The following PPP2R5E variants were observed in gnomAD, a reference collection of about 807,000 sequenced individuals.
The protein encoded by PPP2R5E is serine/threonine-protein phosphatase 2A 56 kDa regulatory subunit epsilon isoform.
PPP2R5E carries 4 observed loss-of-function variants against 65.3 expected under a neutral mutation model. The observed-to-expected ratio is 0.06, with a 90% CI of 0.03 to 0.14. The LOEUF (loss-of-function observed/expected upper bound fraction) is 0.14. Ranked by LOEUF, PPP2R5E falls within the 10% of genes least tolerant of loss-of-function variation. The pLI is 1.00. For synonymous variants in PPP2R5E, 183 were observed against 187.4 expected (o/e 0.98, Z 0.19); for missense variants, 274 against 556.1 (o/e 0.49, Z 5.10).
chr14:63,450,935 G>A (rs1462563265), intron 3 of PPP2R5E, among the ~76,000 whole-genome samples: 1 of 152,134 alleles, frequency 6.6e-6, no homozygotes, highest in Non-Finnish European at 1.5e-5. Context: ...AACTAGAGGT[G>A]AGGGAGTGGG....
chr14:63,392,154 A>G, intron 8 of PPP2R5E, 129 bp from the exon 9 acceptor site: 1 of 609,336 alleles, frequency 1.6e-6, no homozygotes, highest in Non-Finnish European at 2.7e-6. Flanking sequence ...ATTCATTTTA[A>G]TTATCATAAA....
chr14:63,414,050 G>A (rs1464462193), intron 5 of PPP2R5E, among the ~76,000 whole-genome samples: 2 of 152,172 alleles, frequency 1.3e-5, no homozygotes, highest in Non-Finnish European at 2.9e-5. Flanking sequence ...AGGATGTAGA[G>A]AGGCCTCCAT....
rs578111674 is a variant in PPP2R5E, at chr14:63,424,991, A to G, written c.355-2897T>C. Among the ~76,000 whole-genome samples, 1,031 of 152,278 alleles carry G rather than the reference A, an allele frequency of 6.8e-3. 2 individuals are homozygous for G. The highest frequency in any genetic ancestry group is 0.011 in the Non-Finnish European group (770 of 68,012). On this transcript the variant is annotated intron_variant, in intron 3 of 13. Coordinates refer to ENST00000337537, the MANE Select transcript of PPP2R5E (RefSeq NM_006246.5). ...TGGACTTGGTGGTCCTATGAAGTGT[A>G]CACTATTACGATCCCTGATTTACCA...
rs193113244 is a variant in PPP2R5E, at chr14:63,412,173, T to C, written c.549+2967A>G. 6.6e-5 allele frequency among the ~76,000 whole-genome samples: 10 copies of C among 152,240 alleles called. No individual in the cohort carries two copies. In the East Asian group the frequency reaches 1.5e-3, roughly 24 times the overall value. On this transcript the variant is annotated intron_variant, in intron 5 of 13. Transcript: ENST00000337537. ...AAGCCAACTGTGTAACAACCAACAA[T>C]AAGCCAGGCATGGTGGTGCACACCT...
intron 3 of PPP2R5E, among the ~76,000 whole-genome samples, chr14:63,434,118 G>C (rs1445497749): frequency 6.6e-6 from 1 of 152,106 alleles, no homozygotes; most frequent in Non-Finnish European, 1.5e-5. Context: ...AAAAGTTAGT[G>C]ATTATTTCCT....
intron 3 of PPP2R5E, among the ~76,000 whole-genome samples, chr14:63,450,208 C>G (rs1195372101): frequency 1.3e-5 from 2 of 152,122 alleles, no homozygotes; most frequent in African/African-American, 4.8e-5. Flanking sequence ...ATAATATCCC[C>G]TTTCTGTAAA....
intron 2 of PPP2R5E, among the ~76,000 whole-genome samples, chr14:63,500,106 G>T (rs1476554311): frequency 6.6e-6 from 1 of 152,166 alleles, no homozygotes; most frequent in African/African-American, 2.4e-5. Flanking sequence ...TCTATAGAGG[G>T]GGTGGTGATG....
At position 63,381,556 on chromosome 14, in the gene PPP2R5E, A is replaced by G. The variant is rs554956312; in HGVS notation, c.1304+500T>C. ...AGCGGGCTTTATCAAAATGAGTGTC[A>G]GGAAGCTTTGTTACTCAGTGGCACA... On this transcript the variant is annotated intron_variant, in intron 13 of 13. Coordinates refer to ENST00000337537, the MANE Select transcript of PPP2R5E (RefSeq NM_006246.5). Among the ~76,000 whole-genome samples, 5 of 150,940 alleles carry G rather than the reference A, an allele frequency of 3.3e-5. No individual in the cohort carries two copies. The East Asian group carries it at 9.9e-4, about 30-fold the overall frequency.
Position 63,395,216 on chromosome 14 carries a change from C to T in PPP2R5E, c.740+10G>A. 4 of 1,603,812 alleles carry T rather than the reference C, an allele frequency of 2.5e-6. No individual in the cohort carries two copies. Among genetic ancestry groups the T allele is most frequent in the Non-Finnish European group, 3.4e-6 (4 of 1,171,532 alleles). On this transcript the variant is annotated intron_variant, in intron 7 of 13. Transcript: ENST00000337537. ...CATCTGAGATTAGCAATTAGAAAAA[C>T]CGTGCTCACCTTCCTAATATTTCCA... is the stretch of plus-strand genomic sequence containing the variant.
intron 2 of PPP2R5E, among the ~76,000 whole-genome samples, chr14:63,476,846 A>AT (rs955863587): frequency 3.9e-5 from 6 of 152,180 alleles, no homozygotes; most frequent in African/African-American, 1.4e-4. Context: ...ACTTAACTGA[A>AT]TAAGAAGCTA....
chr14:63,478,639 A>G (rs964393416), intron 2 of PPP2R5E, among the ~76,000 whole-genome samples: 3 of 152,164 alleles, frequency 2.0e-5, no homozygotes, highest in African/African-American at 7.2e-5. Context: ...CTATAAAATT[A>G]GTTTTGACCT....
chr14:63,425,507 G>A (rs1258090891), intron 3 of PPP2R5E, among the ~76,000 whole-genome samples: 1 of 152,160 alleles, frequency 6.6e-6, no homozygotes, highest in Non-Finnish European at 1.5e-5. Flanking sequence ...ACCATGAAAG[G>A]GGGGAAAAGG....
intron 7 of PPP2R5E, among the ~76,000 whole-genome samples, chr14:63,394,350 G>A (rs759172977): frequency 1.6e-4 from 24 of 152,098 alleles, no homozygotes; most frequent in Admixed American, 4.6e-4. Context: ...CTCCCAAAGT[G>A]CTGGGATAAT....
At chr14:63,443,082 C>A (rs1888314497) in intron 3 of PPP2R5E, among the ~76,000 whole-genome samples, 1 of 152,028 alleles carries the variant, frequency 6.6e-6, no homozygotes, top group South Asian at 2.1e-4. Context: ...CTAACCAGAG[C>A]TCTGGTTTCC....
At position 63,539,645 on chromosome 14, in the gene PPP2R5E, A is replaced by G. The variant is rs964950280; in HGVS notation, c.41T>C (p.Val14Ala). Residue 14 changes from valine (V) to alanine (A), a missense_variant, in exon 2 of 14, where the codon GTA becomes GCA. Physicochemically the swap from Val to Ala is moderately conservative, Grantham distance 64 (BLOSUM62 0). This residue lies in a region of PPP2R5E where 58 missense variants were observed against 64.8 expected (regional missense o/e 0.90). Transcript: ENST00000337537. ...APTTPPSVDKVDGFSRKSVRK... is the reference protein window; with the variant it reads ...APTTPPSVDKADGFSRKSVRK... ...GACGGACTTCCGAGAAAATCCGTCT[A>G]CTTTATCCACTGATGGAGGAGTAGT... The G allele has an allele frequency of 1.2e-6, 2 of 1,613,936 alleles. No individual in the cohort carries two copies. The highest frequency in any genetic ancestry group is 1.7e-6 in the Non-Finnish European group (2 of 1,179,938).
At chr14:63,399,486 T>C (rs547831522) in intron 5 of PPP2R5E, among the ~76,000 whole-genome samples, 34 of 147,642 alleles carry the variant, frequency 2.3e-4, no homozygotes, top group Non-Finnish European at 4.0e-4. Context: ...TTCAAGCGAT[T>C]CTCCTGCTTC....
At chr14:63,448,656 G>A (rs1467174161) in intron 3 of PPP2R5E, among the ~76,000 whole-genome samples, 9 of 152,090 alleles carry the variant, frequency 5.9e-5, no homozygotes, top group Non-Finnish European at 1.3e-4. Context: ...AGGCGTGGTG[G>A]CTCCCGTGTA....
chr14:63,436,109 C>A (rs900921772), intron 3 of PPP2R5E, among the ~76,000 whole-genome samples: 2 of 152,224 alleles, frequency 1.3e-5, no homozygotes, highest in African/African-American at 4.8e-5. Flanking sequence ...ATTTCACCAT[C>A]TGGGGACTGT....
At chr14:63,533,670 G>A (rs1163502732) in intron 2 of PPP2R5E, among the ~76,000 whole-genome samples, 5 of 150,984 alleles carry the variant, frequency 3.3e-5, no homozygotes, top group East Asian at 2.0e-4. Flanking sequence ...GCGGCCGGGC[G>A]CGGTGGCTCA....
Sources: gnomAD v4.1 joint callset for allele counts (sites outside exome capture counted in the v4.1 genomes callset) on GRCh38, gnomAD v4.1.1 for gene constraint, gnomAD v4.1.1 regional missense constraint, MANE v1.5 for transcripts, NCBI Gene and HGNC (gene_info 2026-07-23, HGNC 2026-07-21) for gene names.